The following RASEF variants were observed in gnomAD, a reference collection of about 807,000 sequenced individuals.
RASEF encodes the protein ras and EF-hand domain-containing protein.
RASEF carries 68 observed loss-of-function variants against 90.1 expected under a neutral mutation model. The observed-to-expected ratio is 0.75, with a 90% CI of 0.62 to 0.92. The LOEUF is 0.92. Ranked by LOEUF, RASEF falls within the 40% of genes least tolerant of loss-of-function variation. The probability of loss-of-function intolerance (pLI) is 0.00; values close to 1 mark genes in which losing one functional copy is unlikely to be tolerated. For synonymous variants in RASEF, 331 were observed against 345.2 expected (o/e 0.96, Z 0.46); for missense variants, 949 against 937.2 (o/e 1.01, Z -0.16).
the RASEF span, among the ~76,000 whole-genome samples, chr9:83,196,212 C>G: frequency 0.61 from 92,829 of 151,798 alleles, 28,522 homozygotes; most frequent in East Asian, 0.76. Flanking sequence ...GGAGAGGAAA[C>G]GGTTAATGTC....
At chr9:83,172,946 C>T in the RASEF span, among the ~76,000 whole-genome samples, 1 of 151,766 alleles carries the variant, frequency 6.6e-6, no homozygotes, top group Non-Finnish European at 1.5e-5. Context: ...AGATAAATTC[C>T]CTTAGCTTTT....
chr9:82,993,024 T>A lies in RASEF; in HGVS notation c.1922A>T (p.Asp641Val). The A allele has an allele frequency of 6.2e-7, 1 of 1,612,320 alleles. No individual in the cohort carries two copies. Among genetic ancestry groups the A allele is most frequent in the Non-Finnish European group, 8.5e-7 (1 of 1,179,506 alleles). ...AATGGGAACAGTCTCATGGGCTGCA[T>A]CCTACCAGGAAGAAAAAAAAAATGG... ...NIREWVDMIE[D>V]AAHETVPIML... The change falls in exon 15 of 17, where the codon GAT becomes GTT. Residue 641 changes from aspartate (D) to valine (V), a missense_variant and splice_region_variant. Coordinates refer to ENST00000376447, the MANE Select transcript of RASEF (RefSeq NM_152573.4).
chr9:83,218,222 G>A, the RASEF span, among the ~76,000 whole-genome samples: 1,233 of 152,284 alleles, frequency 8.1e-3, 18 homozygotes, highest in African/African-American at 0.028. Flanking sequence ...AAGTGTGCAC[G>A]TGGAAGCCAG....
rs1030733208 is a variant in RASEF at position 83,040,432 on chromosome 9, G to A, written c.432-14511C>T. On this transcript the variant is annotated intron_variant, in intron 1 of 16. Transcript: ENST00000376447. The stretch of plus-strand genomic sequence containing the variant: ...AAATTAAATTACATGATTCTATGGC[G>A]ATCAACAAAGACAACATATTGCATA... Among the ~76,000 whole-genome samples the A allele has an allele frequency of 3.3e-5, 5 of 152,068 alleles. No homozygotes were observed. In the South Asian group the frequency reaches 6.2e-4, roughly 19 times the overall value.
chr9:83,088,116 C>A, the RASEF span, among the ~76,000 whole-genome samples: 3 of 151,898 alleles, frequency 2.0e-5, no homozygotes, highest in Non-Finnish European at 4.4e-5. Flanking sequence ...GTGATGAATT[C>A]TTTTATATTT....
chr9:83,058,982 C>T (rs1004877499), intron 1 of RASEF, among the ~76,000 whole-genome samples: 5 of 152,238 alleles, frequency 3.3e-5, no homozygotes, highest in South Asian at 2.1e-4. Context: ...ACTATACCTG[C>T]CACACCCTCA....
chr9:83,102,566 T>A, the RASEF span, among the ~76,000 whole-genome samples: 3 of 152,048 alleles, frequency 2.0e-5, no homozygotes, highest in Non-Finnish European at 4.4e-5. Flanking sequence ...TACTCATAGC[T>A]CCTAAGAGGA....
At chr9:83,202,556 G>A in the RASEF span, among the ~76,000 whole-genome samples, 121,156 of 152,066 alleles carry the variant, frequency 0.8, 48,817 homozygotes, top group East Asian at 0.96. Context: ...GCTCACTGCA[G>A]ATTCAGCCTC....
chr9:83,071,062 G>A, the RASEF span, among the ~76,000 whole-genome samples: 1 of 152,050 alleles, frequency 6.6e-6, no homozygotes, highest in African/African-American at 2.4e-5. Context: ...TCATCTATGG[G>A]GAAGAAAAGA....
chr9:83,143,668 A>G, the RASEF span, among the ~76,000 whole-genome samples: 1 of 152,226 alleles, frequency 6.6e-6, no homozygotes, highest in South Asian at 2.1e-4. Context: ...AGATGCTGGC[A>G]AGGCTGTGGA....
the RASEF span, among the ~76,000 whole-genome samples, chr9:83,141,119 G>GA: frequency 6.9e-6 from 1 of 144,540 alleles, no homozygotes; most frequent in Non-Finnish European, 1.5e-5. Context: ...CTTCAGTCTG[G>GA]GCAATAAGAG....
chr9:83,096,220 G>T, the RASEF span, among the ~76,000 whole-genome samples: 4 of 152,076 alleles, frequency 2.6e-5, no homozygotes, highest in African/African-American at 7.2e-5. Context: ...AGCAAGAAAA[G>T]AATTCTGTTT....
chr9:83,096,458 G>A, the RASEF span, among the ~76,000 whole-genome samples: 1 of 151,974 alleles, frequency 6.6e-6, no homozygotes, highest in Non-Finnish European at 1.5e-5. Flanking sequence ...AGATGCTTAC[G>A]CATGAAAAAG....
At chr9:83,133,997 A>G in the RASEF span, among the ~76,000 whole-genome samples, 1 of 152,142 alleles carries the variant, frequency 6.6e-6, no homozygotes, top group African/African-American at 2.4e-5. Context: ...ATCGAAGCAA[A>G]TCACTTCAGG....
chr9:83,092,614 A>G, the RASEF span, among the ~76,000 whole-genome samples: 1 of 152,076 alleles, frequency 6.6e-6, no homozygotes, highest in Non-Finnish European at 1.5e-5. Flanking sequence ...CCAAAGAGTG[A>G]GCAGTAGCGA....
chr9:83,127,357 G>GT, the RASEF span, among the ~76,000 whole-genome samples: 29 of 152,166 alleles, frequency 1.9e-4, no homozygotes, highest in African/African-American at 6.5e-4. Context: ...AAATAAATGT[G>GT]TTTTTTTCCT....
chr9:83,133,474 G>A, the RASEF span, among the ~76,000 whole-genome samples: 8 of 152,240 alleles, frequency 5.3e-5, no homozygotes, highest in African/African-American at 1.7e-4. Context: ...ACAGGAGTGA[G>A]GAGTTACTCA....
At chr9:83,127,188 G>A in the RASEF span, among the ~76,000 whole-genome samples, 1 of 152,140 alleles carries the variant, frequency 6.6e-6, no homozygotes, top group Admixed American at 6.5e-5. Context: ...GTACTGATAA[G>A]CATAAATTTC....
the RASEF span, among the ~76,000 whole-genome samples, chr9:83,147,499 G>T: frequency 6.6e-6 from 1 of 152,124 alleles, no homozygotes; most frequent in African/African-American, 2.4e-5. Flanking sequence ...CAGCTGTCAG[G>T]CACTCAAACC....
Sources: allele counts gnomAD v4.1 joint callset (sites outside exome capture counted in the v4.1 genomes callset), GRCh38; gene constraint gnomAD v4.1.1; transcripts MANE v1.5; gene names NCBI Gene and HGNC (gene_info 2026-07-23, HGNC 2026-07-21).